The following EML4 variants were observed in gnomAD, a reference collection of about 807,000 sequenced individuals.
EML4 encodes the protein EMAP like 4.
A neutral mutation model predicts 129.0 loss-of-function variants in EML4; 72 were observed. The observed-to-expected ratio is 0.56, with a 90% CI of 0.46 to 0.68. EML4 has a LOEUF of 0.68. EML4 is among the 30% of genes least tolerant of loss of function. The pLI is 0.00. For synonymous variants in EML4, 532 were observed against 405.0 expected (o/e 1.31, Z -3.77); for missense variants, 1,363 against 1,190.6 (o/e 1.14, Z -2.13).
chr2:42,327,189 A>G (rs1027624217), intron 21 of EML4, among the ~76,000 whole-genome samples: 3 of 152,208 alleles, frequency 2.0e-5, no homozygotes, highest in African/African-American at 7.2e-5. Flanking sequence ...TACTCTTTTT[A>G]TGGCTGAGTA....
At chr2:42,246,457 T>C (rs564070883) in intron 2 of EML4, among the ~76,000 whole-genome samples, 3 of 152,318 alleles carry the variant, frequency 2.0e-5, no homozygotes, top group African/African-American at 7.2e-5. Flanking sequence ...TCGATGTCAA[T>C]GTAAATTATT....
intron 3 of EML4, among the ~76,000 whole-genome samples, chr2:42,259,215 C>G (rs566147260): frequency 3.3e-5 from 5 of 151,750 alleles, no homozygotes; most frequent in Admixed American, 1.3e-4. Flanking sequence ...CCACTGCACT[C>G]CAGCCTAGAT....
intron 1 of EML4, among the ~76,000 whole-genome samples, chr2:42,224,076 G>A (rs1673794398): frequency 6.6e-6 from 1 of 152,032 alleles, no homozygotes; most frequent in Admixed American, 6.6e-5. Flanking sequence ...TAATTCACAT[G>A]CCATATGAAT....
At chr2:42,214,038 CAT>C (rs1415531737) in intron 1 of EML4, among the ~76,000 whole-genome samples, 1 of 152,092 alleles carries the variant, frequency 6.6e-6, no homozygotes. Context: ...GTGGGTAACA[CAT>C]ATGTTTTGTG....
chr2:42,265,098 C>T, intron 6 of EML4: 2 of 694,356 alleles, frequency 2.9e-6, no homozygotes, highest in Admixed American at 3.2e-5. Context: ...CTACATTTTA[C>T]TTTTTTTTTT....
chr2:42,201,988 C>T (rs1213846965), intron 1 of EML4, among the ~76,000 whole-genome samples: 1 of 151,800 alleles, frequency 6.6e-6, no homozygotes, highest in Admixed American at 6.6e-5. Context: ...GAGGCTGAGG[C>T]AGGAGACTCG....
intron 1 of EML4, among the ~76,000 whole-genome samples, chr2:42,194,033 T>C (rs1398893924): frequency 6.6e-6 from 1 of 152,224 alleles, no homozygotes; most frequent in Non-Finnish European, 1.5e-5. Flanking sequence ...GTGAAATAGT[T>C]GCAGAATTTC....
At chr2:42,222,184 GT>G (rs1673648086) in intron 1 of EML4, among the ~76,000 whole-genome samples, 1 of 152,030 alleles carries the variant, frequency 6.6e-6, no homozygotes, top group Non-Finnish European at 1.5e-5. Context: ...AGAGGAGATA[GT>G]TTTTAAAATT....
chr2:42,324,501 A>G (rs1323885440), intron 19 of EML4, among the ~76,000 whole-genome samples: 1 of 152,188 alleles, frequency 6.6e-6, no homozygotes, highest in African/African-American at 2.4e-5. Flanking sequence ...CTGTAGTCCC[A>G]GCTATCCAGG....
Position 42,232,075 on chromosome 2 carries a change from A to C in EML4, c.26-13430A>C, listed in dbSNP as rs377529106. 1.1e-4 allele frequency among the ~76,000 whole-genome samples: 16 copies of C among 152,216 alleles called. No homozygotes were observed. In the East Asian group the frequency reaches 2.3e-3, roughly 22 times the overall value. On this transcript the variant is annotated intron_variant, in intron 1 of 22. Coordinates refer to ENST00000318522, the MANE Select transcript of EML4 (RefSeq NM_019063.5). ...GTACTCAAATATCTGGATGAATAGG[A>C]GTTTTGAAAAAGAGATTTGACTGTA...
In EML4 at chr2:42,301,328, G is replaced by A. The variant is rs1230478318; in HGVS notation, c.1577G>A (p.Gly526Glu). The A allele has an allele frequency of 6.2e-7, 1 of 1,613,302 alleles. No individual in the cohort carries two copies. The highest frequency in any genetic ancestry group is 8.5e-7 in the Non-Finnish European group (1 of 1,179,632). ...CQMRNGMLLT[G>E]GGKDRKIILW... The stretch of plus-strand genomic sequence containing the variant: ...ATGAGAAATGGGATGTTATTAACTG[G>A]AGGAGGGAAAGACAGAAAAATAATT... The change falls in exon 14 of 23, where the codon GGA becomes GAA. Residue 526 changes from glycine (G) to glutamate (E), a missense_variant. Physicochemically the swap from Gly to Glu is moderately conservative, Grantham distance 98. Transcript: ENST00000318522.
chr2:42,325,536 G>C lies in EML4; in HGVS notation c.2224G>C (p.Asp742His), dbSNP rs1298637831. 6.6e-7 allele frequency: 1 copy of C among 1,509,548 alleles called. No individual in the cohort carries two copies. Among genetic ancestry groups the C allele is most frequent in the Non-Finnish European group, 9.1e-7 (1 of 1,101,600 alleles). 93.5% of individuals were successfully genotyped at this position (1,509,548 alleles called of 1,614,324 possible). ...DNKYIMSNSG[D>H]YEILYWDIPN... is the part of the protein sequence containing the mutation. ...CAAGTATATAATGTCTAACTCGGGA[G>C]ACTATGAAATATTGTACTGTAAGTA... The change falls in exon 20 of 23, where the codon GAC becomes CAC. Residue 742 changes from aspartate (D) to histidine (H), a missense_variant. Asp to His is a moderately conservative substitution (Grantham distance 81). Coordinates refer to ENST00000318522, the MANE Select transcript of EML4 (RefSeq NM_019063.5).
intron 1 of EML4, among the ~76,000 whole-genome samples, chr2:42,187,693 C>A (rs1388801125): frequency 6.6e-6 from 1 of 151,678 alleles, no homozygotes; most frequent in Non-Finnish European, 1.5e-5. Flanking sequence ...AAATGGTTGC[C>A]TTAAGTTTTG....
intron 10 of EML4, among the ~76,000 whole-genome samples, chr2:42,286,721 T>G (rs1452946374): frequency 6.6e-6 from 1 of 152,232 alleles, no homozygotes; most frequent in East Asian, 1.9e-4. Flanking sequence ...TTGCCTTACC[T>G]TGAATCATAG....
At chr2:42,264,412 C>G (rs958350340) in intron 5 of EML4, among the ~76,000 whole-genome samples, 5 of 152,248 alleles carry the variant, frequency 3.3e-5, no homozygotes, top group African/African-American at 1.2e-4. Flanking sequence ...GCCACTGTGC[C>G]CAGCCAAATA....
chr2:42,226,644 A>G (rs1037604820), intron 1 of EML4, among the ~76,000 whole-genome samples: 1 of 151,818 alleles, frequency 6.6e-6, no homozygotes, highest in Admixed American at 6.6e-5. Flanking sequence ...GCAACAGAGT[A>G]AGACTCTGTC....
chr2:42,297,058 G>C (rs1017969449), intron 13 of EML4, among the ~76,000 whole-genome samples: 1 of 152,162 alleles, frequency 6.6e-6, no homozygotes, highest in Non-Finnish European at 1.5e-5. Context: ...TATTACCATT[G>C]ACTCCTATCT....
At chr2:42,245,731 A>G (rs1238273544) in intron 2 of EML4, 44 bp downstream of exon 2, 4 of 1,491,136 alleles carry the variant, frequency 2.7e-6, no homozygotes, top group African/African-American at 2.9e-5. Context: ...TTTTTGCAAT[A>G]TTTTCTTTGA....
intron 1 of EML4, among the ~76,000 whole-genome samples, chr2:42,235,640 A>G (rs996194652): frequency 2.6e-5 from 4 of 152,160 alleles, no homozygotes; most frequent in African/African-American, 9.7e-5. Flanking sequence ...ATCAGAGACT[A>G]TTTCAAATTT....
Sources: allele counts gnomAD v4.1 joint callset (sites outside exome capture counted in the v4.1 genomes callset), GRCh38; gene constraint gnomAD v4.1.1; transcripts MANE v1.5; gene names NCBI Gene and HGNC (gene_info 2026-07-23, HGNC 2026-07-21).